Variants in ATP11B observed in about 807,000 individuals in gnomAD.
The protein encoded by ATP11B is phospholipid-transporting ATPase IF.
In ATP11B, 81 loss-of-function variants were observed where a neutral mutation model predicts 157.8. The ratio of observed to expected loss-of-function variants is 0.51; its 90% CI spans 0.43 to 0.62. The LOEUF (loss-of-function observed/expected upper bound fraction) is 0.62. ATP11B is among the 20% of genes least tolerant of loss of function. The pLI is 0.00. For synonymous variants in ATP11B, 451 were observed against 469.4 expected (o/e 0.96, Z 0.51); for missense variants, 1,165 against 1,402.2 (o/e 0.83, Z 2.70).
intron 28 of ATP11B, among the ~76,000 whole-genome samples, chr3:182,910,036 C>A (rs1724660929): frequency 1.4e-5 from 2 of 144,388 alleles, no homozygotes; most frequent in Non-Finnish European, 1.5e-5. Flanking sequence ...TGCACTCCAG[C>A]CTCCAGCCTG....
intron 21 of ATP11B, among the ~76,000 whole-genome samples, chr3:182,884,155 G>A (rs1577073814): frequency 2.6e-5 from 4 of 151,952 alleles, no homozygotes; most frequent in Admixed American, 2.6e-4. Flanking sequence ...CTTCTCTTTT[G>A]AAACCTTAAG....
At chr3:182,910,095 A>AG (rs1724674201) in intron 28 of ATP11B, among the ~76,000 whole-genome samples, 2 of 147,400 alleles carry the variant, frequency 1.4e-5, no homozygotes, top group African/African-American at 5.1e-5. Context: ...AAAAAAAAAA[A>AG]GCAGCTGAGT....
At chr3:182,829,507 A>G (rs1275522017) in intron 3 of ATP11B, among the ~76,000 whole-genome samples, 165 bp from the exon 4 acceptor site, 1 of 152,202 alleles carries the variant, frequency 6.6e-6, no homozygotes, top group Non-Finnish European at 1.5e-5. Context: ...GTGGATAGGC[A>G]ATAGATTTAA....
chr3:182,853,963 A>G lies in ATP11B; in HGVS notation c.852-3915A>G, dbSNP rs548835938. Reference sequence around the variant, plus strand: ...AGATGATAGTTCAATAGAATAAAATAGAGAGTTGAGAAGTAGACCATTCAT... The same window carrying G: ...AGATGATAGTTCAATAGAATAAAATGGAGAGTTGAGAAGTAGACCATTCAT... On this transcript the variant is annotated intron_variant, in intron 10 of 29. Transcript: ENST00000323116. Among the ~76,000 whole-genome samples the G allele has an allele frequency of 4.5e-4, 69 of 152,336 alleles. 1 individual carries two copies. Among genetic ancestry groups the G allele is most frequent in the Admixed American group, 2.6e-3 (40 of 15,300 alleles).
intron 25 of ATP11B, among the ~76,000 whole-genome samples, chr3:182,892,985 A>C (rs1723274235): frequency 6.6e-6 from 1 of 152,234 alleles, no homozygotes; most frequent in Admixed American, 6.5e-5. Context: ...AAATAGTAGA[A>C]GAGTTAATCT....
At chr3:182,800,874 A>T (rs533727993) in intron 1 of ATP11B, among the ~76,000 whole-genome samples, 31 of 44,300 alleles carry the variant, frequency 7.0e-4, no homozygotes, top group East Asian at 7.1e-4. Flanking sequence ...TCCGCCCCCC[A>T]CCCCCCCCAG....
At chr3:182,893,296 G>A (rs1451359614) in intron 25 of ATP11B, among the ~76,000 whole-genome samples, 1 of 151,886 alleles carries the variant, frequency 6.6e-6, no homozygotes, top group East Asian at 1.9e-4. Context: ...GTGCACCCAA[G>A]CAGTGTACAT....
Position 182,887,273 on chromosome 3 carries a change from G to A in ATP11B, c.2716-313G>A, listed in dbSNP as rs1244748504. Among the ~76,000 whole-genome samples, 4 of 152,130 alleles carry A rather than the reference G, an allele frequency of 2.6e-5. No individual in the cohort carries two copies. The East Asian group carries it at 7.7e-4, about 29-fold the overall frequency. Reference sequence around the variant, plus strand: ...AGTAAGATGCCTGGAATACATGGAGGAGAATTATGTAAAATTACTTCACAG... The same window carrying A: ...AGTAAGATGCCTGGAATACATGGAGAAGAATTATGTAAAATTACTTCACAG... On this transcript the variant is annotated intron_variant, in intron 23 of 29. Transcript: ENST00000323116.
At chr3:182,855,824 C>G (rs192693629) in intron 10 of ATP11B, among the ~76,000 whole-genome samples, 4 of 152,146 alleles carry the variant, frequency 2.6e-5, no homozygotes, top group African/African-American at 9.6e-5. Flanking sequence ...TAGAGAGAAG[C>G]AAATTAGAAC....
rs536230049 is a variant in ATP11B, at chr3:182,889,008, G to A, written c.2844-402G>A. Reference sequence around the variant, plus strand: ...CTCCCAAGTAGCTGAGACTACAGGCGCGTGCCAACATGCCCAGCTAATTTT... The same window carrying A: ...CTCCCAAGTAGCTGAGACTACAGGCACGTGCCAACATGCCCAGCTAATTTT... On this transcript the variant is annotated intron_variant, in intron 24 of 29. Coordinates refer to ENST00000323116, the MANE Select transcript of ATP11B (RefSeq NM_014616.3). Among the ~76,000 whole-genome samples the A allele has an allele frequency of 8.1e-4, 123 of 152,006 alleles. 1 individual carries two copies. The highest frequency in any genetic ancestry group is 2.7e-3 in the African/African-American group (114 of 41,458).
rs757901648 is a variant in ATP11B at position 182,829,762 on chromosome 3, ACTTT to A, written c.315+15_315+18del. On this transcript the variant is annotated intron_variant, in intron 4 of 29. Transcript: ENST00000323116. ...AACTGCCATAAAGCAGGTATGAAAT[ACTTT>A]CTTTTTTTAATTTTCCTCTAAGTCA... 35 of 1,575,920 alleles carry A rather than the reference ACTTT, an allele frequency of 2.2e-5. No individual in the cohort carries two copies. Among genetic ancestry groups the A allele is most frequent in the Non-Finnish European group, 2.9e-5 (34 of 1,159,032 alleles).
chr3:182,915,490 C>A (rs1452579758), intron 29 of ATP11B: 1 of 984,246 alleles, frequency 1.0e-6, no homozygotes, highest in East Asian at 1.1e-4. Flanking sequence ...TACCTAATAA[C>A]ATAGCTTCAT....
intron 1 of ATP11B, among the ~76,000 whole-genome samples, chr3:182,798,130 G>A (rs1029700848): frequency 3.9e-5 from 6 of 152,138 alleles, no homozygotes; most frequent in Admixed American, 2.6e-4. Context: ...GAGTGAGACC[G>A]TCTGAAAAGA....
intron 1 of ATP11B, among the ~76,000 whole-genome samples, chr3:182,801,586 GA>G (rs1716018215): frequency 6.6e-6 from 1 of 152,090 alleles, no homozygotes; most frequent in Non-Finnish European, 1.5e-5. Flanking sequence ...ATCGGCACAT[GA>G]CCAATCTTGT....
At chr3:182,803,239 A>G (rs1357376743) in intron 1 of ATP11B, among the ~76,000 whole-genome samples, 1 of 152,254 alleles carries the variant, frequency 6.6e-6, no homozygotes, top group Non-Finnish European at 1.5e-5. Flanking sequence ...CAGACTTGAA[A>G]AAACGTACCA....
intron 20 of ATP11B, among the ~76,000 whole-genome samples, chr3:182,880,453 A>G (rs1356020666): frequency 6.6e-6 from 1 of 152,176 alleles, no homozygotes; most frequent in African/African-American, 2.4e-5. Context: ...AGTTCATTGA[A>G]TTTAATCTTG....
intron 4 of ATP11B, 139 bp downstream of exon 4, chr3:182,829,891 T>G: frequency 1.4e-6 from 2 of 1,434,204 alleles, no homozygotes. Flanking sequence ...GTAGTAAAAT[T>G]AAACTGAATT....
intron 1 of ATP11B, 135 bp from the exon 2 acceptor site, chr3:182,820,125 A>G (rs530658729): frequency 2.2e-5 from 13 of 579,504 alleles, no homozygotes; most frequent in Middle Eastern, 2.8e-4. Flanking sequence ...TTCTAATTAG[A>G]TGGATTGAGT....
intron 28 of ATP11B, chr3:182,902,690 C>G (rs917739163): frequency 6.1e-5 from 23 of 379,504 alleles, no homozygotes; most frequent in African/African-American, 4.4e-4. Flanking sequence ...GGCCCTGTCT[C>G]TGAATAATTT....
Sources: gnomAD v4.1 joint callset for allele counts (sites outside exome capture counted in the v4.1 genomes callset) on GRCh38, gnomAD v4.1.1 for gene constraint, MANE v1.5 for transcripts, NCBI Gene and HGNC (gene_info 2026-07-23, HGNC 2026-07-21) for gene names.